The following NKAIN3 variants were observed in gnomAD, a reference collection of about 807,000 sequenced individuals.
NKAIN3 encodes the protein sodium/potassium transporting ATPase interacting 3.
A neutral mutation model predicts 30.2 loss-of-function variants in NKAIN3; 25 were observed. The observed-to-expected ratio is 0.83, with a 90% CI of 0.60 to 1.16. The LOEUF (loss-of-function observed/expected upper bound fraction) is 1.16. Ranked by LOEUF, NKAIN3 falls within the 50% of genes most tolerant of loss-of-function variation. The probability of loss-of-function intolerance (pLI) is 0.00; values close to 1 mark genes in which losing one functional copy is unlikely to be tolerated. For missense variants in NKAIN3, 225 were observed against 254.1 expected, an observed-to-expected ratio of 0.89 and a Z score of 0.78; for synonymous variants, 91 against 89.6, an observed-to-expected ratio of 1.02 and a Z score of -0.09.
intron 4 of NKAIN3, among the ~76,000 whole-genome samples, chr8:62,872,850 A>G (rs1014359917): frequency 1.3e-5 from 2 of 152,196 alleles, no homozygotes; most frequent in African/African-American, 4.8e-5. Flanking sequence ...CTGCTCTTCA[A>G]GAGCTCCTGA....
chr8:62,327,533 T>G (rs1815183231), intron 1 of NKAIN3, among the ~76,000 whole-genome samples: 1 of 152,220 alleles, frequency 6.6e-6, no homozygotes, highest in South Asian at 2.1e-4. Flanking sequence ...CATTACCATG[T>G]GGATATCCAG....
chr8:62,684,928 T>C (rs1327742129), intron 3 of NKAIN3, among the ~76,000 whole-genome samples: 1 of 152,144 alleles, frequency 6.6e-6, no homozygotes, highest in East Asian at 1.9e-4. Flanking sequence ...TTTGGACTTC[T>C]AGCCTCCAAA....
At chr8:62,418,735 G>A (rs1040141296) in intron 1 of NKAIN3, among the ~76,000 whole-genome samples, 1 of 152,168 alleles carries the variant, frequency 6.6e-6, no homozygotes, top group Non-Finnish European at 1.5e-5. Flanking sequence ...ATCAAGTACT[G>A]TCGCTTTGAA....
At chr8:62,672,095 G>A (rs1294415410) in intron 3 of NKAIN3, among the ~76,000 whole-genome samples, 2 of 152,194 alleles carry the variant, frequency 1.3e-5, no homozygotes, top group Non-Finnish European at 2.9e-5. Flanking sequence ...CTATTGGGAA[G>A]TGGAAAATGC....
At chr8:62,500,882 C>A (rs115957862) in intron 1 of NKAIN3, among the ~76,000 whole-genome samples, 1 of 152,124 alleles carries the variant, frequency 6.6e-6, no homozygotes, top group Non-Finnish European at 1.5e-5. Flanking sequence ...ATGTGATGAT[C>A]CTGGCCCAAT....
chr8:62,715,021 C>A (rs908068183), intron 3 of NKAIN3, among the ~76,000 whole-genome samples: 3 of 152,048 alleles, frequency 2.0e-5, no homozygotes, highest in Non-Finnish European at 4.4e-5. Context: ...GGTGGGGAGG[C>A]CTCAGGAGAC....
intron 4 of NKAIN3, among the ~76,000 whole-genome samples, chr8:62,828,866 G>A (rs892373382): frequency 1.3e-5 from 2 of 152,086 alleles, no homozygotes; most frequent in Non-Finnish European, 2.9e-5. Flanking sequence ...CCAGCAGCTA[G>A]GACCAACTTG....
intron 4 of NKAIN3, among the ~76,000 whole-genome samples, chr8:62,862,792 T>G (rs1202054116): frequency 6.6e-6 from 1 of 152,214 alleles, no homozygotes. Flanking sequence ...GATAAGAATA[T>G]TCCACAGAGA....
At chr8:62,795,351 A>G (rs1421232094) in intron 4 of NKAIN3, among the ~76,000 whole-genome samples, 1 of 152,218 alleles carries the variant, frequency 6.6e-6, no homozygotes, top group African/African-American at 2.4e-5. Flanking sequence ...AGAAAAATGT[A>G]CTTTTTTCCC....
intron 1 of NKAIN3, among the ~76,000 whole-genome samples, chr8:62,532,361 C>T (rs1013184313): frequency 3.3e-5 from 5 of 152,006 alleles, no homozygotes; most frequent in Admixed American, 6.6e-5. Context: ...TCCCCTAAAG[C>T]TTCGCACCTT....
chr8:62,872,081 G>T (rs944111864), intron 4 of NKAIN3, among the ~76,000 whole-genome samples: 3 of 152,074 alleles, frequency 2.0e-5, no homozygotes, highest in Non-Finnish European at 2.9e-5. Context: ...TGTTCCATCT[G>T]CCCACAGTAT....
intron 3 of NKAIN3, among the ~76,000 whole-genome samples, chr8:62,682,996 A>G (rs1196996140): frequency 2.6e-5 from 4 of 151,824 alleles, no homozygotes; most frequent in African/African-American, 9.7e-5. Context: ...TAATTTGCCA[A>G]TTATGTGTCA....
intron 1 of NKAIN3, among the ~76,000 whole-genome samples, chr8:62,298,949 C>A (rs921679486): frequency 2.6e-5 from 4 of 151,348 alleles, no homozygotes; most frequent in Non-Finnish European, 4.4e-5. Context: ...CAATACAATG[C>A]AAGATCCCTA....
At chr8:62,399,157 T>C (rs1563380882) in intron 1 of NKAIN3, among the ~76,000 whole-genome samples, 1 of 152,220 alleles carries the variant, frequency 6.6e-6, no homozygotes, top group Non-Finnish European at 1.5e-5. Context: ...TTTTTGTTTC[T>C]ATTATCTGGA....
intron 4 of NKAIN3, among the ~76,000 whole-genome samples, chr8:62,795,772 A>T (rs942957468): frequency 6.6e-6 from 1 of 152,166 alleles, no homozygotes; most frequent in Non-Finnish European, 1.5e-5. Context: ...TACCTGAAGG[A>T]TCCTTAGGCC....
chr8:62,882,447 A>T (rs1280544327), intron 4 of NKAIN3, among the ~76,000 whole-genome samples: 1 of 152,090 alleles, frequency 6.6e-6, no homozygotes, highest in African/African-American at 2.4e-5. Flanking sequence ...TCCCCCTAGT[A>T]GCTAGCATTA....
Position 62,883,457 on chromosome 8 carries a change from G to GTTGTTTT in NKAIN3, c.472-34994_472-34993insGTTTTTT. On this transcript the variant is annotated intron_variant, in intron 4 of 6. Coordinates refer to ENST00000623646, the MANE Select transcript of NKAIN3 (RefSeq NM_001304533.3). ...TTTATTATTTCCAGGAGTTTTATGG[G>GTTGTTTT]TTTTTTTTTTTTTTTTCAGATTTTC... Among the ~76,000 whole-genome samples the GTTGTTTT allele has an allele frequency of 3.6e-4, 25 of 70,232 alleles. 2 individuals carry two copies. The highest frequency in any genetic ancestry group is 1.0e-3 in the African/African-American group (15 of 14,302). 46.1% of individuals were successfully genotyped at this position (70,232 alleles called of 152,430 possible).
At chr8:62,805,659 G>T (rs1301678502) in intron 4 of NKAIN3, among the ~76,000 whole-genome samples, 1 of 152,188 alleles carries the variant, frequency 6.6e-6, no homozygotes, top group African/African-American at 2.4e-5. Context: ...ATTCACGATG[G>T]ATTAAAGACT....
intron 1 of NKAIN3, among the ~76,000 whole-genome samples, chr8:62,270,952 A>G (rs2129392708): frequency 6.6e-6 from 1 of 152,336 alleles, no homozygotes; most frequent in African/African-American, 2.4e-5. Flanking sequence ...TTGAAAACTT[A>G]TGAAAATATT....
Sources: gnomAD v4.1 joint callset for allele counts (sites outside exome capture counted in the v4.1 genomes callset) on GRCh38, gnomAD v4.1.1 for gene constraint, MANE v1.5 for transcripts, NCBI Gene and HGNC (gene_info 2026-07-23, HGNC 2026-07-21) for gene names.